The following DDX47 variants were observed in gnomAD, a reference collection of about 807,000 sequenced individuals.
DDX47 encodes the protein DEAD-box helicase 47.
A neutral mutation model predicts 58.8 loss-of-function variants in DDX47; 60 were observed. The observed-to-expected ratio is 1.02, with a 90% confidence interval of 0.83 to 1.26. The LOEUF (loss-of-function observed/expected upper bound fraction) is 1.26. DDX47 is among the 50% of genes most tolerant of loss of function. The pLI, the probability that DDX47 is intolerant of heterozygous loss-of-function variation, is 0.00. For synonymous variants in DDX47, 197 were observed against 204.6 expected, an observed-to-expected ratio of 0.96 and a Z score of 0.32; for missense variants, 530 against 573.2, an observed-to-expected ratio of 0.92 and a Z score of 0.77.
rs551624443 is a variant in DDX47, at chr12:12,828,604, A to T, written c.1237-819A>T. Among the ~76,000 whole-genome samples, 73 of 152,258 alleles carry T rather than the reference A, an allele frequency of 4.8e-4. 1 individual carries two copies. The South Asian group carries it at 0.015, about 31-fold the overall frequency. On this transcript the variant is annotated intron_variant, in intron 11 of 11. Coordinates refer to ENST00000358007, the MANE Select transcript of DDX47 (RefSeq NM_016355.4). ...TGAGGGATGGAGAAACTTTGCCCAT[A>T]GTTTGTTTTTGGAGTAGCTGAGGTG...
At chr12:12,824,715 G>A (rs746997685) in intron 9 of DDX47, 38 bp downstream of exon 9, 3 of 1,593,528 alleles carry the variant, frequency 1.9e-6, no homozygotes, top group Non-Finnish European at 2.6e-6. Flanking sequence ...TAGTCCTAAA[G>A]TGTATTTCTT....
In DDX47 at chr12:12,825,897, A is replaced by C. The variant is rs147570642; in HGVS notation, c.1036-103A>C. On this transcript the variant is annotated intron_variant, in intron 9 of 11. Coordinates refer to ENST00000358007, the MANE Select transcript of DDX47 (RefSeq NM_016355.4). ...TTTATTTTCTCCATGTTACGAAATGAATCTATTTTCTTTCAAAGGTTTTGC... is the reference window on the plus strand; with the variant it reads ...TTTATTTTCTCCATGTTACGAAATGCATCTATTTTCTTTCAAAGGTTTTGC... The C allele has an allele frequency of 4.3e-3, 3,479 of 809,406 alleles. 11 individuals carry two copies. Among genetic ancestry groups the C allele is most frequent in the Non-Finnish European group, 5.7e-3 (3,055 of 539,370 alleles). The allele number at this position is 809,406 out of a possible 1,614,324, so 50.1% of individuals were successfully genotyped here. A position where few individuals can be genotyped will look rare whatever the true frequency, so the allele number is the denominator to read the frequency against.
rs754375134 is a variant in DDX47 at position 12,824,566 on chromosome 12, GTT to G, written c.926_927del (p.Phe309Ter). ...QSKRLGSLNK[F>X]KAKARSILLA... Reference sequence around the variant, plus strand: ...GTAAGCGCCTAGGATCCCTTAATAAGTTTAAGGCCAAGGCCCGTTCCATTCTT... The same window carrying G: ...GTAAGCGCCTAGGATCCCTTAATAAGTAAGGCCAAGGCCCGTTCCATTCTT... On this transcript the variant is annotated frameshift_variant, in exon 9 of 12. Transcript: ENST00000358007. LOFTEE classifies it high-confidence loss of function. 1 of 1,613,514 alleles carries G rather than the reference GTT, an allele frequency of 6.2e-7. No individual in the cohort carries two copies. Among genetic ancestry groups the G allele is most frequent in the Middle Eastern group, 1.6e-4 (1 of 6,062 alleles).
chr12:12,823,071 CA>C, intron 6 of DDX47, 131 bp from the exon 7 acceptor site: 1 of 698,224 alleles, frequency 1.4e-6, no homozygotes. Flanking sequence ...AATAACCTCC[CA>C]CCAGGTCCCT....
Position 12,823,973 on chromosome 12 carries a change from A to G in DDX47, c.854A>G (p.Asn285Ser), listed in dbSNP as rs372126671. 3.0e-5 allele frequency: 49 copies of G among 1,614,166 alleles called. No individual in the cohort carries two copies. Among genetic ancestry groups the G allele is most frequent in the East Asian group, 4.5e-5 (2 of 44,886 alleles). Residue 285 changes from asparagine (N) to serine (S), a missense_variant, in exon 8 of 12, where the codon AAT (asparagine) becomes AGT (serine). Coordinates refer to ENST00000358007, the MANE Select transcript of DDX47 (RefSeq NM_016355.4). ...NTQRTALLLR[N>S]LGFTAIPLHG... ...CAGAGAACAGCTTTGCTACTGCGAA[A>G]TCTTGGCTTCACTGCCATCCCCCTC... is the stretch of plus-strand genomic sequence containing the variant.
chr12:12,821,953 C>T lies in DDX47; in HGVS notation c.443-12C>T. On this transcript the variant is annotated splice_polypyrimidine_tract_variant and intron_variant, in intron 4 of 11. Transcript: ENST00000358007. The stretch of plus-strand genomic sequence containing the variant: ...TGAAATGTCACTGTTTCTCCTCAAC[C>T]TTTCTTGGTAGCAACTCCTGGTCGA... The T allele has an allele frequency of 1.3e-6, 2 of 1,574,632 alleles. No homozygotes were observed. The highest frequency in any genetic ancestry group is 1.7e-5 in the Admixed American group (1 of 59,644).
chr12:12,825,952 A>T (rs760062331), intron 9 of DDX47, 48 bp from the exon 10 acceptor site: 86 of 1,456,436 alleles, frequency 5.9e-5, no homozygotes, highest in Admixed American at 5.8e-4. Context: ...AGTTTTTTTT[A>T]AACTTATAAT....
intron 8 of DDX47, chr12:12,824,326 A>T: frequency 1.8e-6 from 1 of 569,970 alleles, no homozygotes; most frequent in Non-Finnish European, 3.0e-6. Context: ...TTACCTTTCT[A>T]TCGTGTCAAA....
chr12:12,828,206 C>T (rs554548465), intron 11 of DDX47, among the ~76,000 whole-genome samples: 1 of 152,254 alleles, frequency 6.6e-6, no homozygotes, highest in African/African-American at 2.4e-5. Flanking sequence ...TGGAAAATTC[C>T]ATGCCTGACC....
chr12:12,819,569 T>C (rs573844620), intron 2 of DDX47, among the ~76,000 whole-genome samples: 1 of 152,230 alleles, frequency 6.6e-6, no homozygotes, highest in South Asian at 2.1e-4. Flanking sequence ...GTCCAGCTGG[T>C]TTTTAGACAT....
At chr12:12,818,688 C>G (rs902785066) in intron 2 of DDX47, among the ~76,000 whole-genome samples, 1 of 152,088 alleles carries the variant, frequency 6.6e-6, no homozygotes, top group Non-Finnish European at 1.5e-5. Context: ...CAGACACACC[C>G]GAGACTGGGA....
In DDX47 at chr12:12,813,467, G is replaced by A. The variant is rs374450545; in HGVS notation, c.87+13G>A. On this transcript the variant is annotated intron_variant, in intron 1 of 11. Coordinates refer to ENST00000358007, the MANE Select transcript of DDX47 (RefSeq NM_016355.4). ...ATTTAAAGACCTGGTGAGAATGGAT[G>A]ACGCTGGCTTCTTTTATGTACTCTG... 9 of 1,599,124 alleles carry A rather than the reference G, an allele frequency of 5.6e-6. No homozygotes were observed. In the African/African-American group the frequency reaches 1.2e-4, roughly 21 times the overall value.
At chr12:12,824,110 C>T (rs117733159) in intron 8 of DDX47, 94 bp downstream of exon 8, 39 of 1,385,342 alleles carry the variant, frequency 2.8e-5, no homozygotes, top group Non-Finnish European at 3.7e-5. Context: ...CATAGGGCAC[C>T]GATGCCTGTT....
rs901461867 is a variant in DDX47, at chr12:12,821,076, T to A, written c.182-132T>A. Reference sequence around the variant, plus strand: ...GAGAGGCCATGTCTTTTCTGTTTATTCAACTTTCCTCTCTCCCCAGTTCAT... The same window carrying A: ...GAGAGGCCATGTCTTTTCTGTTTATACAACTTTCCTCTCTCCCCAGTTCAT... On this transcript the variant is annotated intron_variant, in intron 2 of 11. Transcript: ENST00000358007. 6.6e-6 allele frequency: 6 copies of A among 907,136 alleles called. No homozygotes were observed. In the African/African-American group the frequency reaches 8.4e-5, roughly 13 times the overall value. 56.2% of individuals were successfully genotyped at this position (907,136 alleles called of 1,614,324 possible). A position where few individuals can be genotyped will look rare whatever the true frequency, so the allele number is the denominator to read the frequency against.
chr12:12,828,696 G>GA (rs1863090129), intron 11 of DDX47, among the ~76,000 whole-genome samples: 1 of 152,000 alleles, frequency 6.6e-6, no homozygotes, highest in African/African-American at 2.4e-5. Context: ...TGTGCATTGG[G>GA]AAAAAAATTC....
chr12:12,821,785 G>C, intron 4 of DDX47, 59 bp downstream of exon 4: 1 of 1,396,024 alleles, frequency 7.2e-7, no homozygotes, highest in Non-Finnish European at 1.0e-6. Flanking sequence ...AAATCTACCA[G>C]TGTTGGATAG....
At position 12,825,988 on chromosome 12, in the gene DDX47, T is replaced by C. The variant is rs751687016; in HGVS notation, c.1036-12T>C. On this transcript the variant is annotated splice_polypyrimidine_tract_variant and intron_variant, in intron 9 of 11. Transcript: ENST00000358007. ...CCATATAACTTGAATTTATTTACCC[T>C]TTTTGTTTTAGGATTACATCCATCG... The C allele has an allele frequency of 6.2e-7, 1 of 1,601,764 alleles. No homozygotes were observed. Among genetic ancestry groups the C allele is most frequent in the Non-Finnish European group, 8.5e-7 (1 of 1,173,604 alleles).
chr12:12,822,403 C>A (rs1862987952), intron 5 of DDX47, among the ~76,000 whole-genome samples: 1 of 152,092 alleles, frequency 6.6e-6, no homozygotes. Context: ...TTTTTCTTGA[C>A]TTTTCTCTTA....
intron 2 of DDX47, among the ~76,000 whole-genome samples, chr12:12,815,073 C>T (rs919736023): frequency 1.3e-5 from 2 of 152,068 alleles, no homozygotes; most frequent in African/African-American, 4.8e-5. Flanking sequence ...ATAAAAGAGG[C>T]CCAGAGGTCT....
Sources: allele counts gnomAD v4.1 joint callset (sites outside exome capture counted in the v4.1 genomes callset), GRCh38; gene constraint gnomAD v4.1.1; transcripts MANE v1.5; gene names NCBI Gene and HGNC (gene_info 2026-07-23, HGNC 2026-07-21).